The following GFRA1 variants were observed in gnomAD, a reference collection of about 807,000 sequenced individuals.
GFRA1 encodes GDNF family receptor alpha 1.
A neutral mutation model predicts 51.6 loss-of-function variants in GFRA1; 16 were observed. That is an observed-to-expected ratio of 0.31 (90% CI 0.21 to 0.47). The LOEUF (loss-of-function observed/expected upper bound fraction) is 0.47. Among genes scored for constraint, GFRA1 ranks in the 20% least tolerant of loss-of-function variants. The probability of loss-of-function intolerance (pLI) is 1.00; values close to 1 mark genes in which losing one functional copy is unlikely to be tolerated. For missense variants in GFRA1, 530 were observed against 594.3 expected (o/e 0.89, Z 1.13); for synonymous variants, 270 against 241.3 (o/e 1.12, Z -1.10).
intron 4 of GFRA1, among the ~76,000 whole-genome samples, chr10:116,216,044 G>A (rs1267152211): frequency 2.0e-5 from 3 of 152,118 alleles, no homozygotes; most frequent in Non-Finnish European, 2.9e-5. Context: ...AATGAGCATC[G>A]AGGATATTTG....
chr10:116,209,552 T>C (rs1230324629), intron 5 of GFRA1, among the ~76,000 whole-genome samples: 1 of 152,106 alleles, frequency 6.6e-6, no homozygotes, highest in African/African-American at 2.4e-5. Flanking sequence ...TGCCATTGTG[T>C]GCATGGGCCC....
chr10:116,271,053 GA>G lies in GFRA1; in HGVS notation c.102del (p.Gln35SerfsTer3). ...GDRLDCVKASDQCLKEQSCST... is the reference protein window; with the variant it reads ...GDRLDCVKASXQCLKEQSCST... ...CTGCAGCTCTGCTCCTTCAGGCACT[GA>G]TCACTGGCTTTCACGCAATCCAGGC... On this transcript the variant is annotated frameshift_variant, in exon 3 of 11. Coordinates refer to ENST00000355422, the MANE Select transcript of GFRA1 (RefSeq NM_005264.8). LOFTEE classifies it high-confidence loss of function. 6.2e-7 allele frequency: 1 copy of G among 1,613,590 alleles called. No individual in the cohort carries two copies.
intron 5 of GFRA1, among the ~76,000 whole-genome samples, chr10:116,149,000 A>T (rs1314563535): frequency 6.6e-6 from 1 of 151,442 alleles, no homozygotes; most frequent in African/African-American, 2.4e-5. Flanking sequence ...ACACATTCAG[A>T]AAAGGGACTG....
intron 9 of GFRA1, among the ~76,000 whole-genome samples, chr10:116,088,619 G>C (rs894583626): frequency 6.6e-6 from 1 of 152,166 alleles, no homozygotes; most frequent in Non-Finnish European, 1.5e-5. Context: ...CACCCAAAGG[G>C]GTAAAGAATG....
intron 5 of GFRA1, among the ~76,000 whole-genome samples, chr10:116,138,351 CT>C (rs1455376763): frequency 6.7e-6 from 1 of 149,082 alleles, no homozygotes; most frequent in Admixed American, 6.7e-5. Context: ...TTGGAATTCG[CT>C]GACTTTCTGT....
At chr10:116,211,683 G>A (rs1397916000) in intron 4 of GFRA1, 38 bp from the exon 5 acceptor site, 3 of 1,511,376 alleles carry the variant, frequency 2.0e-6, no homozygotes, top group South Asian at 2.4e-5. Flanking sequence ...GGGGAGAGGG[G>A]AGAAAGAGAG....
intron 4 of GFRA1, among the ~76,000 whole-genome samples, chr10:116,259,799 G>C (rs1164955329): frequency 6.6e-6 from 1 of 152,220 alleles, no homozygotes; most frequent in Non-Finnish European, 1.5e-5. Context: ...CCAGGTATCA[G>C]CTGTGTGGCC....
At chr10:116,137,734 C>T (rs1398242768) in intron 5 of GFRA1, among the ~76,000 whole-genome samples, 1 of 152,208 alleles carries the variant, frequency 6.6e-6, no homozygotes, top group Non-Finnish European at 1.5e-5. Context: ...AATGGAGCTG[C>T]ACTCAAGAGG....
chr10:116,201,010 C>A (rs1373922082), intron 5 of GFRA1, among the ~76,000 whole-genome samples: 2 of 152,206 alleles, frequency 1.3e-5, no homozygotes, highest in Non-Finnish European at 2.9e-5. Context: ...GGTATGCTCA[C>A]AGTGCATGCT....
At chr10:116,271,183 A>G in intron 2 of GFRA1, 68 bp from the exon 3 acceptor site, 1 of 1,396,270 alleles carries the variant, frequency 7.2e-7, no homozygotes, top group Admixed American at 2.2e-5. Flanking sequence ...GCTCCGGGCG[A>G]GGGCGCGCGC....
chr10:116,192,849 G>A (rs2134331779), intron 5 of GFRA1, among the ~76,000 whole-genome samples: 1 of 152,316 alleles, frequency 6.6e-6, no homozygotes. Flanking sequence ...TTCAGCCAAG[G>A]CTGGGGAAAC....
chr10:116,149,950 G>T (rs1004805055), intron 5 of GFRA1, among the ~76,000 whole-genome samples: 1 of 152,168 alleles, frequency 6.6e-6, no homozygotes, highest in Non-Finnish European at 1.5e-5. Flanking sequence ...TCCCTGGAAG[G>T]CAGATGCAGT....
At chr10:116,251,175 A>AT (rs1454263903) in intron 4 of GFRA1, among the ~76,000 whole-genome samples, 1 of 152,212 alleles carries the variant, frequency 6.6e-6, no homozygotes, top group African/African-American at 2.4e-5. Context: ...GTACTAGACT[A>AT]TAAGTTTCGT....
intron 4 of GFRA1, among the ~76,000 whole-genome samples, chr10:116,257,617 CCTT>C (rs1185627262): frequency 6.6e-6 from 1 of 152,184 alleles, no homozygotes; most frequent in African/African-American, 2.4e-5. Context: ...GGTCTTATGT[CCTT>C]CTCTGGTCGA....
chr10:116,268,812 C>G (rs532870844), intron 4 of GFRA1, among the ~76,000 whole-genome samples: 1 of 152,272 alleles, frequency 6.6e-6, no homozygotes, highest in Admixed American at 6.5e-5. Context: ...TATGGGCTGT[C>G]TGAATGCAGA....
chr10:116,256,783 G>T (rs1489835447), intron 4 of GFRA1, among the ~76,000 whole-genome samples: 1 of 152,208 alleles, frequency 6.6e-6, no homozygotes, highest in Non-Finnish European at 1.5e-5. Context: ...GGAGTCAGAG[G>T]AAGAAAACAG....
chr10:116,146,522 C>G (rs571834147), intron 5 of GFRA1, among the ~76,000 whole-genome samples: 28 of 152,336 alleles, frequency 1.8e-4, no homozygotes, highest in Middle Eastern at 3.4e-3. Context: ...CATTCACATC[C>G]CTGTATGACC....
chr10:116,067,452 T>C (rs1337222853), intron 9 of GFRA1, among the ~76,000 whole-genome samples: 3 of 152,210 alleles, frequency 2.0e-5, no homozygotes, highest in Admixed American at 6.5e-5. Context: ...CTCAAGTTCT[T>C]CCTATGCTCG....
intron 5 of GFRA1, among the ~76,000 whole-genome samples, chr10:116,173,768 T>C (rs934307378): frequency 6.6e-6 from 1 of 152,120 alleles, no homozygotes; most frequent in Non-Finnish European, 1.5e-5. Flanking sequence ...GAACAGGTTT[T>C]TTTTCCCCGG....
Sources: gnomAD v4.1 joint callset for allele counts (sites outside exome capture counted in the v4.1 genomes callset) on GRCh38, gnomAD v4.1.1 for gene constraint, MANE v1.5 for transcripts, NCBI Gene and HGNC (gene_info 2026-07-23, HGNC 2026-07-21) for gene names.